RNF212B: variants seen among roughly 807,000 people sequenced by gnomAD.
RNF212B encodes ring finger protein 212B.
In RNF212B, 52 loss-of-function variants were observed where a neutral mutation model predicts 55.5. The ratio of observed to expected loss-of-function variants is 0.94; its 90% confidence interval spans 0.75 to 1.18. The LOEUF is 1.18. RNF212B is among the 50% of genes most tolerant of loss of function. The pLI is 0.00. For synonymous variants in RNF212B, 99 were observed against 121.4 expected, an observed-to-expected ratio of 0.82 and a Z score of 1.21; for missense variants, 289 against 350.4, an observed-to-expected ratio of 0.82 and a Z score of 1.40.
rs572346541 is a variant in RNF212B at position 23,270,069 on chromosome 14, T to C, written c.772+109T>C. ...GTTGAGGTTTGCCCCCCAAAGAGCA[T>C]TGTCTCTAGTTGGCTCCTTAATATT... On this transcript the variant is annotated intron_variant, in intron 13 of 14. Coordinates refer to ENST00000430154, the MANE Select transcript of RNF212B (RefSeq NM_001282322.3). The C allele has an allele frequency of 6.1e-5, 41 of 674,842 alleles. 1 individual carries two copies. The South Asian group carries it at 7.1e-4, about 12-fold the overall frequency. The allele number at this position is 674,842 out of a possible 1,614,324, so 41.8% of individuals were successfully genotyped here.
At chr14:23,213,273 A>G (rs887900194) in intron 2 of RNF212B, among the ~76,000 whole-genome samples, 6 of 151,866 alleles carry the variant, frequency 4.0e-5, no homozygotes, top group African/African-American at 1.5e-4. Context: ...AGATCGCACC[A>G]CTGCACTCCA....
intron 11 of RNF212B, among the ~76,000 whole-genome samples, chr14:23,266,602 CG>C (rs1885724635): frequency 6.6e-6 from 1 of 151,072 alleles, no homozygotes; most frequent in African/African-American, 2.4e-5. Context: ...TTAGTAGACA[CG>C]GGGTTTCTCC....
chr14:23,230,602 C>T (rs967145587), intron 2 of RNF212B, among the ~76,000 whole-genome samples: 2 of 132,198 alleles, frequency 1.5e-5, no homozygotes, highest in African/African-American at 2.9e-5. Context: ...TGCAGTGAGC[C>T]GAGATCGCGC....
intron 2 of RNF212B, among the ~76,000 whole-genome samples, chr14:23,232,792 G>A (rs184247489): frequency 6.8e-6 from 1 of 148,148 alleles, no homozygotes; most frequent in Non-Finnish European, 1.5e-5. Flanking sequence ...GGTGGGGGGG[G>A]GGTCAGCCTC....
intron 1 of RNF212B, among the ~76,000 whole-genome samples, chr14:23,192,841 C>G (rs1878246001): frequency 6.6e-6 from 1 of 151,922 alleles, no homozygotes; most frequent in African/African-American, 2.4e-5. Flanking sequence ...CCTGTAATCC[C>G]AGCACTTTGG....
At chr14:23,195,477 C>T (rs1000655976) in intron 2 of RNF212B, among the ~76,000 whole-genome samples, 7 of 152,114 alleles carry the variant, frequency 4.6e-5, no homozygotes, top group Non-Finnish European at 8.8e-5. Flanking sequence ...CATGATTCAC[C>T]CTCACTGCTC....
chr14:23,241,080 C>T (rs1264905198), intron 2 of RNF212B, among the ~76,000 whole-genome samples: 22 of 151,714 alleles, frequency 1.5e-4, no homozygotes, highest in Admixed American at 1.3e-3. Flanking sequence ...GTGTGTAAAT[C>T]CCTAGAAGAG....
chr14:23,270,574 T>G (rs1283259477), intron 13 of RNF212B, 26 bp from the exon 14 acceptor site: 18 of 1,528,832 alleles, frequency 1.2e-5, no homozygotes, highest in Non-Finnish European at 1.6e-5. Context: ...GTAAGTTATC[T>G]TTCACTGTTC....
intron 2 of RNF212B, among the ~76,000 whole-genome samples, chr14:23,228,727 A>C (rs1213345871): frequency 6.6e-6 from 1 of 152,146 alleles, no homozygotes; most frequent in Non-Finnish European, 1.5e-5. Flanking sequence ...ACATCATTTC[A>C]AGACTTATCA....
At chr14:23,243,476 G>C (rs928288015) in intron 3 of RNF212B, among the ~76,000 whole-genome samples, 168 bp downstream of exon 3, 5 of 150,680 alleles carry the variant, frequency 3.3e-5, no homozygotes, top group Non-Finnish European at 5.9e-5. Context: ...CGGGTGGATC[G>C]CCTGAGCTCA....
At chr14:23,242,714 T>G (rs1166429631) in intron 2 of RNF212B, among the ~76,000 whole-genome samples, 2 of 152,110 alleles carry the variant, frequency 1.3e-5, no homozygotes, top group Non-Finnish European at 2.9e-5. Context: ...GGCTCATGCT[T>G]ATAAACTCAC....
At chr14:23,187,727 CCTT>C (rs1424717319) in intron 1 of RNF212B, among the ~76,000 whole-genome samples, 1 of 152,150 alleles carries the variant, frequency 6.6e-6, no homozygotes, top group Admixed American at 6.5e-5. Flanking sequence ...CTCACTCCAT[CCTT>C]CTTCTCGTAA....
At position 23,240,426 on chromosome 14, in the gene RNF212B, T is replaced by C. The variant is rs1344841681; in HGVS notation, c.81T>C (p.Cys27=). 3 of 1,549,800 alleles carry C rather than the reference T, an allele frequency of 1.9e-6. No homozygotes were observed. The Admixed American group carries it at 5.9e-5, about 30-fold the overall frequency. ...TCACCAGCTGTGGCCATATTTTCTG[T>C]AAAAAGTGTGTGACTCTGGGTGAGT... is the stretch of plus-strand genomic sequence containing the variant. ...FFVTSCGHIF[C]KKCVTLEKCA... Residue 27 remains cysteine, a synonymous_variant, in exon 2 of 15, where the codon TGT becomes TGC. Coordinates refer to ENST00000430154, the MANE Select transcript of RNF212B (RefSeq NM_001282322.3).
chr14:23,249,460 G>C (rs742874), intron 4 of RNF212B, among the ~76,000 whole-genome samples: 13,887 of 152,200 alleles, frequency 0.091, 1,390 homozygotes, highest in African/African-American at 0.25. Flanking sequence ...TGGGAGAATT[G>C]CTTGATCCCA....
chr14:23,212,702 T>A (rs1880650873), intron 2 of RNF212B, among the ~76,000 whole-genome samples: 1 of 151,918 alleles, frequency 6.6e-6, no homozygotes, highest in Admixed American at 6.6e-5. Context: ...CTTTATTTTT[T>A]AATTTAATAG....
At chr14:23,217,016 C>A (rs756872928) in intron 2 of RNF212B, among the ~76,000 whole-genome samples, 1 of 150,750 alleles carries the variant, frequency 6.6e-6, no homozygotes, top group African/African-American at 2.4e-5. Flanking sequence ...AGAATGGGGA[C>A]AGGCACAGAA....
At chr14:23,231,851 G>A (rs934269987) in intron 2 of RNF212B, among the ~76,000 whole-genome samples, 1 of 152,186 alleles carries the variant, frequency 6.6e-6, no homozygotes, top group South Asian at 2.1e-4. Context: ...TGTGTTGGCC[G>A]GGCTGGTCTC....
At chr14:23,218,501 A>G (rs1350659739) in intron 2 of RNF212B, among the ~76,000 whole-genome samples, 1 of 151,842 alleles carries the variant, frequency 6.6e-6, no homozygotes, top group Non-Finnish European at 1.5e-5. Context: ...ATTTGAAAAT[A>G]CAGAGTCAGA....
intron 6 of RNF212B, 87 bp from the exon 7 acceptor site, chr14:23,260,572 C>A: frequency 7.9e-7 from 1 of 1,265,832 alleles, no homozygotes; most frequent in Non-Finnish European, 1.1e-6. Flanking sequence ...GGGCACTGAG[C>A]TTAGTTATCT....
Sources: allele counts gnomAD v4.1 joint callset (sites outside exome capture counted in the v4.1 genomes callset), GRCh38; gene constraint gnomAD v4.1.1; transcripts MANE v1.5; gene names NCBI Gene and HGNC (gene_info 2026-07-23, HGNC 2026-07-21).